EPB41L1: variants seen among roughly 807,000 people sequenced by gnomAD.
EPB41L1 encodes the protein erythrocyte membrane protein band 4.1 like 1, also known as band 4.1-like protein 1.
Under a neutral mutation model 97.8 loss-of-function variants are expected in EPB41L1, and 29 were observed. That is an observed-to-expected ratio of 0.30 (90% confidence interval 0.22 to 0.40). The LOEUF is 0.40. EPB41L1 is among the 10% of genes least tolerant of loss of function. The probability of loss-of-function intolerance (pLI) is 1.00; values close to 1 mark genes in which losing one functional copy is unlikely to be tolerated. For missense variants in EPB41L1, 812 were observed against 1,162.3 expected (o/e 0.70, Z 4.38); for synonymous variants, 383 against 459.2 (o/e 0.83, Z 2.12).
At chr20:36,095,722 A>G (rs369772827) in intron 1 of EPB41L1, among the ~76,000 whole-genome samples, 4 of 152,250 alleles carry the variant, frequency 2.6e-5, no homozygotes, top group African/African-American at 9.6e-5. Flanking sequence ...CACCAACAGC[A>G]GCAGGGTTAC....
rs1375347596 is a variant in EPB41L1 at position 36,230,616 on chromosome 20, C to T, written c.*1276C>T. On this transcript the variant is annotated 3_prime_UTR_variant, in exon 22 of 22. Transcript: ENST00000338074. ...GCCAGTTCAAGACACCTTCTCCCTG[C>T]CCCCCTGGTAGTAACAGTCAGGGCC... is the stretch of plus-strand genomic sequence containing the variant. 1 of 152,370 alleles carries T rather than the reference C, an allele frequency of 6.6e-6. No individual in the cohort carries two copies. The highest frequency in any genetic ancestry group is 1.5e-5 in the Non-Finnish European group (1 of 68,106). The allele number at this position is 152,370 out of a possible 1,614,324, so 9.4% of individuals were successfully genotyped here. A position where few individuals can be genotyped will look rare whatever the true frequency, so the allele number is the denominator to read the frequency against.
At chr20:36,120,270 C>T (rs1046786330) in intron 2 of EPB41L1, among the ~76,000 whole-genome samples, 3 of 152,144 alleles carry the variant, frequency 2.0e-5, no homozygotes, top group South Asian at 2.1e-4. Flanking sequence ...AACTGAGGCA[C>T]GGAAAGGTGT....
At chr20:36,217,536 T>C (rs529296713) in intron 17 of EPB41L1, among the ~76,000 whole-genome samples, 1 of 152,094 alleles carries the variant, frequency 6.6e-6, no homozygotes, top group South Asian at 2.1e-4. Context: ...CTGTTTTTAG[T>C]GTGAAGGTGG....
Position 36,130,162 on chromosome 20 carries a change from G to A in EPB41L1, c.-10+17682G>A, listed in dbSNP as rs565927796. Among the ~76,000 whole-genome samples the A allele has an allele frequency of 4.6e-5, 7 of 151,902 alleles. No homozygotes were observed. The East Asian group carries it at 9.7e-4, about 21-fold the overall frequency. ...TCTCCATATTGGCCAGGCTGATTTC[G>A]AACTCCTGACCTCAAGTGATCTGCT... is the stretch of plus-strand genomic sequence containing the variant. On this transcript the variant is annotated intron_variant, in intron 2 of 19. Coordinates refer to the EPB41L1 transcript ENST00000202028.
At chr20:36,179,563 C>T (rs1452853485) in intron 5 of EPB41L1, among the ~76,000 whole-genome samples, 1 of 152,230 alleles carries the variant, frequency 6.6e-6, no homozygotes, top group Non-Finnish European at 1.5e-5. Context: ...AGGGATGGGG[C>T]AGCTCCCAAA....
rs905489850 is a variant in EPB41L1 at position 36,229,749 on chromosome 20, G to A, written c.*409G>A. 1.8e-4 allele frequency: 29 copies of A among 161,980 alleles called. No individual in the cohort carries two copies. The highest frequency in any genetic ancestry group is 3.2e-4 in the Non-Finnish European group (24 of 74,110). 10.0% of individuals were successfully genotyped at this position (161,980 alleles called of 1,614,324 possible). On this transcript the variant is annotated 3_prime_UTR_variant, in exon 22 of 22. Coordinates refer to ENST00000338074, the MANE Select transcript of EPB41L1 (RefSeq NM_012156.2). ...CACGATGATTGTAGAAGTCCCTCCC[G>A]CCCTGGTTCTGCACGTTACAGTTAG...
rs1200004253 is a variant in EPB41L1, at chr20:36,222,581, GAGA to G, written c.2637+193_2637+195del. Among the ~76,000 whole-genome samples, 4 of 152,234 alleles carry G rather than the reference GAGA, an allele frequency of 2.6e-5. No homozygotes were observed. The East Asian group carries it at 5.8e-4, about 22-fold the overall frequency. ...CCTCCCCGAGATACAAGTCGGTGGG[GAGA>G]AGAAGGAAGACTGGTTCCTTGGTTT... On this transcript the variant is annotated intron_variant, in intron 21 of 21. Coordinates refer to ENST00000338074, the MANE Select transcript of EPB41L1 (RefSeq NM_012156.2).
At chr20:36,210,008 C>A in intron 15 of EPB41L1, 110 bp downstream of exon 15, 1 of 1,347,792 alleles carries the variant, frequency 7.4e-7, no homozygotes, top group Non-Finnish European at 1.0e-6. Flanking sequence ...GAAGCTCTGT[C>A]TCGTGTTGCA....
chr20:36,219,038 G>A, intron 18 of EPB41L1, 76 bp downstream of exon 18: 1 of 1,488,750 alleles, frequency 6.7e-7, no homozygotes, highest in Non-Finnish European at 9.3e-7. Flanking sequence ...ATGGCTGGCA[G>A]GAAGTGCAGC....
At chr20:36,143,556 A>T (rs2059723498) in intron 2 of EPB41L1, among the ~76,000 whole-genome samples, 1 of 152,158 alleles carries the variant, frequency 6.6e-6, no homozygotes, top group African/African-American at 2.4e-5. Flanking sequence ...AAATACACAC[A>T]TATACAGCTA....
intron 14 of EPB41L1, among the ~76,000 whole-genome samples, chr20:36,201,166 A>C (rs2062475114): frequency 2.0e-5 from 3 of 152,192 alleles, no homozygotes; most frequent in African/African-American, 7.2e-5. Context: ...AGATCCATAA[A>C]GGGCCAGCCC....
Position 36,206,612 on chromosome 20 carries a change from C to T in EPB41L1, c.1669-2876C>T. The T allele has an allele frequency of 7.8e-7, 1 of 1,289,844 alleles. No homozygotes were observed. Among genetic ancestry groups the T allele is most frequent in the Non-Finnish European group, 1.0e-6 (1 of 988,878 alleles). 79.9% of individuals were successfully genotyped at this position (1,289,844 alleles called of 1,614,324 possible). A position where few individuals can be genotyped will look rare whatever the true frequency, so the allele number is the denominator to read the frequency against. ...TCCTTAGACCTGAGGGTTTCTGCTGCTGCTTCCAGCAGGAGCAAGGACGAA... is the reference window on the plus strand; with the variant it reads ...TCCTTAGACCTGAGGGTTTCTGCTGTTGCTTCCAGCAGGAGCAAGGACGAA... On this transcript the variant is annotated intron_variant, in intron 14 of 21. Transcript: ENST00000338074. The surrounding 1 kb of genome is among the most constrained non-coding windows in gnomAD (Gnocchi z 5.5).
At chr20:36,137,391 AT>A (rs1214008084) in intron 2 of EPB41L1, among the ~76,000 whole-genome samples, 5 of 146,480 alleles carry the variant, frequency 3.4e-5, no homozygotes, top group African/African-American at 1.0e-4. Flanking sequence ...ATTAAAAAAA[AT>A]TTTTTTTGGA....
At chr20:36,171,017 CAGAT>C (rs1569194845) in intron 1 of EPB41L1, among the ~76,000 whole-genome samples, 1 of 152,002 alleles carries the variant, frequency 6.6e-6, no homozygotes, top group African/African-American at 2.4e-5. Context: ...GAGCTGAAAT[CAGAT>C]TGAGGCCATC....
intron 9 of EPB41L1, among the ~76,000 whole-genome samples, chr20:36,189,554 G>A (rs912857603): frequency 1.3e-5 from 2 of 152,042 alleles, no homozygotes; most frequent in African/African-American, 2.4e-5. Context: ...TCCCCCTCTC[G>A]CTTCTCACAT....
intron 2 of EPB41L1, among the ~76,000 whole-genome samples, chr20:36,130,884 A>G (rs1368517579): frequency 4.0e-5 from 6 of 148,324 alleles, no homozygotes; most frequent in African/African-American, 1.5e-4. Flanking sequence ...ATCTCGGCTC[A>G]CTGTAACCTC....
chr20:36,118,213 C>G (rs2058646362), intron 2 of EPB41L1, among the ~76,000 whole-genome samples: 1 of 152,110 alleles, frequency 6.6e-6, no homozygotes, highest in Admixed American at 6.5e-5. Flanking sequence ...AAATAAAACA[C>G]AGATGGTGCG....
At chr20:36,107,345 T>A (rs900145771) in intron 1 of EPB41L1, among the ~76,000 whole-genome samples, 1 of 150,466 alleles carries the variant, frequency 6.6e-6, no homozygotes, top group Non-Finnish European at 1.5e-5. Flanking sequence ...CTCAGCCTCC[T>A]GAGTAGCTGG....
chr20:36,125,275 G>A (rs2058916867), intron 2 of EPB41L1: 1 of 599,318 alleles, frequency 1.7e-6, no homozygotes, highest in Non-Finnish European at 3.0e-6. Flanking sequence ...ATTCCACATG[G>A]CCATTACATT....
Sources: gnomAD v4.1 joint callset for allele counts (sites outside exome capture counted in the v4.1 genomes callset) on GRCh38, gnomAD v4.1.1 for gene constraint, Gnocchi (gnomAD v3.1) non-coding constraint, MANE v1.5 for transcripts, NCBI Gene and HGNC (gene_info 2026-07-23, HGNC 2026-07-21) for gene names.